The following SYT16 variants were observed in gnomAD, a reference collection of about 807,000 sequenced individuals.
SYT16 encodes synaptotagmin 16, also known as synaptotagmin-16.
A neutral mutation model predicts 61.4 loss-of-function variants in SYT16; 42 were observed. The observed-to-expected ratio is 0.68, with a 90% confidence interval of 0.53 to 0.89. The LOEUF (loss-of-function observed/expected upper bound fraction) is 0.89. Ranked by LOEUF, SYT16 falls within the 40% of genes least tolerant of loss-of-function variation. The probability of loss-of-function intolerance (pLI) is 0.00; values close to 1 mark genes in which losing one functional copy is unlikely to be tolerated. For missense variants in SYT16, 804 were observed against 807.3 expected (o/e 1.00, Z 0.05); for synonymous variants, 314 against 302.3 (o/e 1.04, Z -0.40).
At chr14:61,939,526 C>G (rs2050125736) in intron 1 of SYT16, among the ~76,000 whole-genome samples, 1 of 152,198 alleles carries the variant, frequency 6.6e-6, no homozygotes, top group African/African-American at 2.4e-5. Context: ...TGCTTGGGCT[C>G]TACATGGCCA....
chr14:61,850,146 T>C (rs886677945), intron 1 of SYT16, among the ~76,000 whole-genome samples: 14 of 152,162 alleles, frequency 9.2e-5, no homozygotes, highest in Non-Finnish European at 2.1e-4. Context: ...TTTTCTTTTT[T>C]TTTTTGAGAC....
chr14:61,814,065 A>AG (rs1396441491), intron 1 of SYT16, among the ~76,000 whole-genome samples: 1 of 152,140 alleles, frequency 6.6e-6, no homozygotes. Context: ...AGCTCTTACA[A>AG]GCGATGGGCA....
At chr14:62,066,039 A>G (rs756156663) in intron 3 of SYT16, among the ~76,000 whole-genome samples, 1 of 152,266 alleles carries the variant, frequency 6.6e-6, no homozygotes, top group Non-Finnish European at 1.5e-5. Context: ...AAGCTGCTCC[A>G]TAAAAGAGAA....
At chr14:61,856,198 A>G (rs962250009) in intron 1 of SYT16, among the ~76,000 whole-genome samples, 5 of 152,236 alleles carry the variant, frequency 3.3e-5, no homozygotes, top group African/African-American at 9.6e-5. Flanking sequence ...GAAGCTATGA[A>G]GAGTTTTGAT....
intron 3 of SYT16, among the ~76,000 whole-genome samples, chr14:62,012,600 C>G (rs7140133): frequency 0.21 from 31,275 of 151,932 alleles, 4,122 homozygotes; most frequent in East Asian, 0.59. Context: ...GGGGGGACTA[C>G]TTTAGCATCT....
In SYT16 at chr14:62,110,043, A is replaced by G. The variant is rs759577416; in HGVS notation, c.*9336A>G. On this transcript the variant is annotated 3_prime_UTR_variant, in exon 8 of 8. Coordinates refer to ENST00000683842, the MANE Select transcript of SYT16 (RefSeq NM_001367656.1). The stretch of plus-strand genomic sequence containing the variant: ...CTGGGTGAAGGGGGAGGCCTGGCCA[A>G]TGATTTGTATCTGAGAAACATTTTG... 3.9e-5 allele frequency: 6 copies of G among 152,184 alleles called. No homozygotes were observed. Among genetic ancestry groups the G allele is most frequent in the Non-Finnish European group, 7.4e-5 (5 of 68,024 alleles). 9.4% of individuals were successfully genotyped at this position (152,184 alleles called of 1,614,324 possible).
chr14:62,045,286 G>C (rs2054923902), intron 3 of SYT16, among the ~76,000 whole-genome samples: 1 of 152,050 alleles, frequency 6.6e-6, no homozygotes, highest in Non-Finnish European at 1.5e-5. Flanking sequence ...TATATGGGAA[G>C]TTTTTCCTTC....
At chr14:61,962,701 T>A (rs2051163581) in intron 1 of SYT16, among the ~76,000 whole-genome samples, 1 of 152,144 alleles carries the variant, frequency 6.6e-6, no homozygotes, top group Non-Finnish European at 1.5e-5. Context: ...TTTTCATTCT[T>A]TTCTTTCTGT....
At chr14:61,968,130 G>T (rs139946800) in intron 1 of SYT16, among the ~76,000 whole-genome samples, 3 of 152,048 alleles carry the variant, frequency 2.0e-5, no homozygotes, top group African/African-American at 7.3e-5. Flanking sequence ...GTATGGTGGC[G>T]CATGCCTGAA....
chr14:62,097,765 T>A (rs902405006), intron 7 of SYT16, among the ~76,000 whole-genome samples: 2 of 152,208 alleles, frequency 1.3e-5, no homozygotes, highest in African/African-American at 4.8e-5. Flanking sequence ...GAAAATACTC[T>A]TATGGCAGGA....
intron 1 of SYT16, among the ~76,000 whole-genome samples, chr14:61,953,741 T>G (rs2050762346): frequency 2.0e-5 from 3 of 152,050 alleles, no homozygotes; most frequent in African/African-American, 7.2e-5. Context: ...ACTGAAGGAG[T>G]CTGGGCTTGG....
intron 7 of SYT16, among the ~76,000 whole-genome samples, chr14:62,086,486 A>T (rs1043907877): frequency 5.9e-5 from 9 of 151,924 alleles, no homozygotes; most frequent in Non-Finnish European, 1.2e-4. Context: ...TCTCAAAAAA[A>T]CAAACAACAA....
chr14:62,042,286 A>G (rs1348755696), intron 3 of SYT16, among the ~76,000 whole-genome samples: 1 of 152,080 alleles, frequency 6.6e-6, no homozygotes, highest in Non-Finnish European at 1.5e-5. Context: ...TATAGGTGTG[A>G]GCCACCACGC....
At chr14:62,061,093 G>T (rs2055804395) in intron 3 of SYT16, among the ~76,000 whole-genome samples, 1 of 152,070 alleles carries the variant, frequency 6.6e-6, no homozygotes, top group South Asian at 2.1e-4. Context: ...AATTATTTAT[G>T]CTGTTGCAAA....
At chr14:62,049,048 G>C (rs142878304) in intron 3 of SYT16, among the ~76,000 whole-genome samples, 8,827 of 152,140 alleles carry the variant, frequency 0.058, 671 homozygotes, top group African/African-American at 0.18. Context: ...TTTCTGTCTC[G>C]TTGATCTGTC....
intron 3 of SYT16, among the ~76,000 whole-genome samples, chr14:62,053,365 G>A (rs376670962): frequency 3.3e-5 from 5 of 152,090 alleles, no homozygotes; most frequent in African/African-American, 1.2e-4. Context: ...GACTCTGACC[G>A]GAACTTACGC....
chr14:62,070,443 T>A (rs933421544), intron 4 of SYT16, among the ~76,000 whole-genome samples: 2 of 152,170 alleles, frequency 1.3e-5, no homozygotes, highest in African/African-American at 4.8e-5. Context: ...CAAAGTCTTA[T>A]GTCATTTTCC....
At chr14:61,955,043 T>C (rs2050819115) in intron 1 of SYT16, among the ~76,000 whole-genome samples, 1 of 152,134 alleles carries the variant, frequency 6.6e-6, no homozygotes, top group African/African-American at 2.4e-5. Flanking sequence ...TCACCCATAA[T>C]GTAGCATGTA....
chr14:62,054,360 G>GTTGTTTTTTTTTTTTTTTT lies in SYT16; in HGVS notation c.524-15241_524-15240insGTTTTTTTTTTTTTTTTTT, dbSNP rs1411904235. Among the ~76,000 whole-genome samples the GTTGTTTTTTTTTTTTTTTT allele has an allele frequency of 1.5e-3, 174 of 118,222 alleles. 3 individuals carry two copies. The highest frequency in any genetic ancestry group is 5.1e-3 in the Admixed American group (58 of 11,350). 77.6% of individuals were successfully genotyped at this position (118,222 alleles called of 152,430 possible). A position where few individuals can be genotyped will look rare whatever the true frequency, so the allele number is the denominator to read the frequency against. ...TAAAAGCTGTTACTTAGTGAAGTGA[G>GTTGTTTTTTTTTTTTTTTT]TTTTTTTTTTTTTTTTTGGAGATAG... On this transcript the variant is annotated intron_variant, in intron 3 of 7. Coordinates refer to ENST00000683842, the MANE Select transcript of SYT16 (RefSeq NM_001367656.1).
Sources: allele counts gnomAD v4.1 joint callset (sites outside exome capture counted in the v4.1 genomes callset), GRCh38; gene constraint gnomAD v4.1.1; transcripts MANE v1.5; gene names NCBI Gene and HGNC (gene_info 2026-07-23, HGNC 2026-07-21).